Variants in FNBP1 observed in about 807,000 individuals in gnomAD.
FNBP1 encodes the protein formin-binding protein 1.
A neutral mutation model predicts 90.6 loss-of-function variants in FNBP1; 26 were observed. The ratio of observed to expected loss-of-function variants is 0.29; its 90% CI spans 0.21 to 0.40. FNBP1 has a LOEUF of 0.40. Among genes scored for constraint, FNBP1 ranks in the 10% least tolerant of loss-of-function variants. The pLI is 1.00. For missense variants in FNBP1, 635 were observed against 768.0 expected, an observed-to-expected ratio of 0.83 and a Z score of 2.05; for synonymous variants, 260 against 265.2, an observed-to-expected ratio of 0.98 and a Z score of 0.19.
intron 6 of FNBP1, among the ~76,000 whole-genome samples, chr9:129,935,144 G>A (rs1024220877): frequency 2.8e-5 from 3 of 106,362 alleles, no homozygotes; most frequent in Non-Finnish European, 3.8e-5. Context: ...TTTTTTTTAA[G>A]ACAGGGTCTC....
At chr9:129,905,502 G>A (rs1199215723) in intron 12 of FNBP1, among the ~76,000 whole-genome samples, 2 of 151,880 alleles carry the variant, frequency 1.3e-5, no homozygotes, top group African/African-American at 2.4e-5. Flanking sequence ...TAGAGACAGG[G>A]TTTTGCCATG....
the FNBP1 span, among the ~76,000 whole-genome samples, chr9:130,049,163 C>G: frequency 6.6e-6 from 1 of 152,114 alleles, no homozygotes. Context: ...CCAAGCCAGG[C>G]AGATCGCTTG....
chr9:130,053,248 G>C, the FNBP1 span, among the ~76,000 whole-genome samples: 1 of 152,210 alleles, frequency 6.6e-6, no homozygotes, highest in Non-Finnish European at 1.5e-5. Flanking sequence ...GGAGTTAAGA[G>C]CTTCCGTGTG....
At chr9:130,038,989 A>G (rs992202550) in intron 1 of FNBP1, among the ~76,000 whole-genome samples, 1 of 152,178 alleles carries the variant, frequency 6.6e-6, no homozygotes, top group Non-Finnish European at 1.5e-5. Context: ...CTCAGTAAGT[A>G]GGCAAGAAAA....
chr9:129,954,527 T>G (rs180882366), intron 6 of FNBP1, among the ~76,000 whole-genome samples: 161 of 152,168 alleles, frequency 1.1e-3, no homozygotes, highest in African/African-American at 3.7e-3. Flanking sequence ...GTTGAATTTG[T>G]CCCAGGAACA....
intron 1 of FNBP1, among the ~76,000 whole-genome samples, chr9:130,014,535 A>G (rs1183653025): frequency 6.6e-6 from 1 of 152,162 alleles, no homozygotes. Context: ...TACAGGCATG[A>G]GCCACCGTGC....
chr9:129,964,956 G>A (rs1354916751), intron 4 of FNBP1, among the ~76,000 whole-genome samples: 1 of 152,046 alleles, frequency 6.6e-6, no homozygotes, highest in African/African-American at 2.4e-5. Flanking sequence ...TTCCACAGAT[G>A]CAAACAAAGA....
chr9:129,928,609 T>C (rs2042260829), intron 7 of FNBP1, among the ~76,000 whole-genome samples: 1 of 149,778 alleles, frequency 6.7e-6, no homozygotes, highest in South Asian at 2.1e-4. Flanking sequence ...TGCAGTGAGC[T>C]GAGATCATGC....
At chr9:129,982,652 ATTTTTAT>A (rs948296887) in intron 2 of FNBP1, among the ~76,000 whole-genome samples, 46 of 152,054 alleles carry the variant, frequency 3.0e-4, no homozygotes, top group African/African-American at 9.9e-4. Flanking sequence ...TTTACAATTC[ATTTTTAT>A]TTTTTATTTT....
Position 129,895,820 on chromosome 9 carries a change from A to G in FNBP1, c.1846+18T>C. 1 of 1,546,110 alleles carries G rather than the reference A, an allele frequency of 6.5e-7. No individual in the cohort carries two copies. The highest frequency in any genetic ancestry group is 2.3e-5 in the East Asian group (1 of 43,056). Reference sequence around the variant, plus strand: ...TTAAGTTTTTTTTTTTTATGGTATTAAATATAAGTCTTAGCACCTTTGGCA... The same window carrying G: ...TTAAGTTTTTTTTTTTTATGGTATTGAATATAAGTCTTAGCACCTTTGGCA... On this transcript the variant is annotated intron_variant, in intron 16 of 16. Coordinates refer to ENST00000446176, the MANE Select transcript of FNBP1 (RefSeq NM_015033.3).
At chr9:130,014,251 T>C (rs529624524) in intron 1 of FNBP1, among the ~76,000 whole-genome samples, 247 of 151,258 alleles carry the variant, frequency 1.6e-3, no homozygotes, top group African/African-American at 4.0e-3. Context: ...TTCTTTCTTT[T>C]TTTTTTTTTT....
intron 13 of FNBP1, among the ~76,000 whole-genome samples, chr9:129,902,401 C>T (rs192503623): frequency 8.2e-4 from 125 of 152,220 alleles, no homozygotes; most frequent in African/African-American, 2.9e-3. Context: ...AGTTCAAGAC[C>T]AGTCTGTGCA....
intron 1 of FNBP1, among the ~76,000 whole-genome samples, chr9:130,020,947 C>T (rs111968193): frequency 0.023 from 3,450 of 152,056 alleles, 123 homozygotes; most frequent in African/African-American, 0.075. Flanking sequence ...AACTGAAATC[C>T]CTATGAAATA....
the FNBP1 span, among the ~76,000 whole-genome samples, chr9:130,048,615 A>G: frequency 2.7e-5 from 4 of 150,182 alleles, no homozygotes; most frequent in African/African-American, 9.9e-5. Context: ...AGTAGCTGGG[A>G]CTACAGGCGC....
At chr9:129,953,964 GGAGGCT>G (rs2046550815) in intron 6 of FNBP1, among the ~76,000 whole-genome samples, 2 of 151,950 alleles carry the variant, frequency 1.3e-5, no homozygotes, top group Admixed American at 1.3e-4. Flanking sequence ...TAATACTTTA[GGAGGCT>G]GAGGCTGAGG....
chr9:129,897,071 C>T (rs1406021780), intron 15 of FNBP1, among the ~76,000 whole-genome samples: 2 of 152,196 alleles, frequency 1.3e-5, no homozygotes, highest in Non-Finnish European at 2.9e-5. Flanking sequence ...ATAGATGAAC[C>T]TGGATTCACT....
At chr9:130,049,663 C>T in the FNBP1 span, among the ~76,000 whole-genome samples, 751 of 151,132 alleles carry the variant, frequency 5.0e-3, 6 homozygotes, top group Middle Eastern at 0.017. Flanking sequence ...ATTGCACCAC[C>T]GCACTCCAGC....
rs2034813660 is a variant in FNBP1 at position 129,887,330 on chromosome 9, T to C, written c.*3209A>G. 1 of 198,452 alleles carries C rather than the reference T, an allele frequency of 5.0e-6. No individual in the cohort carries two copies. The highest frequency in any genetic ancestry group is 1.9e-4 in the South Asian group (1 of 5,242). 12.3% of individuals were successfully genotyped at this position (198,452 alleles called of 1,614,324 possible). ...AGGACCTTTACAGTGGCGATCGGCC[T>C]CACACAGCAAAATGCCTCCAAAGTT... On this transcript the variant is annotated 3_prime_UTR_variant, in exon 17 of 17. Coordinates refer to ENST00000446176, the MANE Select transcript of FNBP1 (RefSeq NM_015033.3).
chr9:129,991,145 A>T (rs1015359116), intron 2 of FNBP1, among the ~76,000 whole-genome samples: 2 of 151,894 alleles, frequency 1.3e-5, no homozygotes, highest in African/African-American at 4.8e-5. Flanking sequence ...CATGTTAGTC[A>T]GCTGGTCTTG....
Sources: allele counts gnomAD v4.1 joint callset (sites outside exome capture counted in the v4.1 genomes callset), GRCh38; gene constraint gnomAD v4.1.1; transcripts MANE v1.5; gene names NCBI Gene and HGNC (gene_info 2026-07-23, HGNC 2026-07-21).